HEATR5B: variants seen among roughly 807,000 people sequenced by gnomAD.
HEATR5B encodes the protein HEAT repeat-containing protein 5B.
In HEATR5B, 156 loss-of-function variants were observed where a neutral mutation model predicts 224.1. The observed-to-expected ratio is 0.70, with a 90% confidence interval of 0.61 to 0.80. The LOEUF is 0.80. HEATR5B is among the 30% of genes least tolerant of loss of function. The pLI is 0.00. For synonymous variants in HEATR5B, 1,027 were observed against 893.0 expected (o/e 1.15, Z -2.68); for missense variants, 2,323 against 2,535.5 (o/e 0.92, Z 1.80).
In HEATR5B at chr2:37,084,278, T is replaced by C. The variant is rs1239669109; in HGVS notation, c.-32A>G. 4 of 393,290 alleles carry C rather than the reference T, an allele frequency of 1.0e-5. No individual in the cohort carries two copies. The highest frequency in any genetic ancestry group is 3.6e-5 in the East Asian group (1 of 27,806). 24.4% of individuals were successfully genotyped at this position (393,290 alleles called of 1,614,324 possible). A position where few individuals can be genotyped will look rare whatever the true frequency, so the allele number is the denominator to read the frequency against. On this transcript the variant is annotated 5_prime_UTR_variant, in exon 1 of 36. Transcript: ENST00000233099. ...GCTTCGGCGACCTCACCTCGTAGTC[T>C]GGAAGGGAAGATCAGCTGAGCTCCG...
intron 20 of HEATR5B, among the ~76,000 whole-genome samples, chr2:37,040,034 G>C (rs1463102437): frequency 3.9e-5 from 6 of 152,138 alleles, no homozygotes; most frequent in Non-Finnish European, 8.8e-5. Flanking sequence ...AGCACTCTAG[G>C]CCAAAGGAAC....
In HEATR5B at chr2:37,056,947, T is replaced by C. The variant is rs188445057; in HGVS notation, c.2224-332A>G. On this transcript the variant is annotated intron_variant, in intron 15 of 35. Transcript: ENST00000233099. The stretch of plus-strand genomic sequence containing the variant: ...TCTTTAAAAAGTACATAAGAAATAA[T>C]GTATTCAGTGGGCAAAAGTTCTAAA... 7.2e-5 allele frequency among the ~76,000 whole-genome samples: 11 copies of C among 152,316 alleles called. No homozygotes were observed. In the East Asian group the frequency reaches 1.5e-3, roughly 21 times the overall value.
At chr2:37,030,991 C>A (rs935713580) in intron 22 of HEATR5B, among the ~76,000 whole-genome samples, 2 of 152,222 alleles carry the variant, frequency 1.3e-5, no homozygotes, top group Admixed American at 6.5e-5. Context: ...TGAGTCCGAA[C>A]TTTTGGTATG....
At chr2:36,981,865 T>C (rs1665604191) in intron 35 of HEATR5B, 71 bp from the exon 36 acceptor site, 1 of 1,160,662 alleles carries the variant, frequency 8.6e-7, no homozygotes, top group Non-Finnish European at 1.2e-6. Flanking sequence ...ACTAGGCAAT[T>C]GCCATGGAAG....
chr2:36,988,402 G>C (rs1223737143), intron 35 of HEATR5B, among the ~76,000 whole-genome samples: 1 of 151,900 alleles, frequency 6.6e-6, no homozygotes, highest in Non-Finnish European at 1.5e-5. Flanking sequence ...AGCTGGGACA[G>C]CAGGTGTGCG....
chr2:37,018,797 C>T (rs548179875), intron 26 of HEATR5B, among the ~76,000 whole-genome samples: 124 of 152,086 alleles, frequency 8.2e-4, no homozygotes, highest in Non-Finnish European at 1.4e-3. Flanking sequence ...AAGATTAGAG[C>T]TTAATACATG....
At chr2:36,997,234 G>C (rs1048291549) in intron 33 of HEATR5B, among the ~76,000 whole-genome samples, 1 of 152,070 alleles carries the variant, frequency 6.6e-6, no homozygotes. Context: ...ACCCAGACCA[G>C]AGTTCAGTGG....
chr2:37,032,051 G>A (rs1241847684), intron 22 of HEATR5B, among the ~76,000 whole-genome samples: 2 of 152,150 alleles, frequency 1.3e-5, no homozygotes, highest in African/African-American at 4.8e-5. Context: ...ACATTTCATA[G>A]TTTTATTGGC....
chr2:37,072,416 A>T (rs1363942465), intron 5 of HEATR5B, 135 bp from the exon 6 acceptor site: 2 of 591,010 alleles, frequency 3.4e-6, no homozygotes, highest in Non-Finnish European at 5.9e-6. Flanking sequence ...ACAGTTTTCA[A>T]GACACTGGAC....
intron 22 of HEATR5B, among the ~76,000 whole-genome samples, chr2:37,032,419 CTA>C (rs1205970204): frequency 1.3e-5 from 2 of 152,082 alleles, no homozygotes; most frequent in Non-Finnish European, 2.9e-5. Context: ...GTACACAACA[CTA>C]TGCCCAACTT....
rs778904225 is a variant in HEATR5B, at chr2:37,058,551, A to G, written c.1959T>C (p.Ser653=). The G allele has an allele frequency of 8.7e-6, 14 of 1,603,902 alleles. No homozygotes were observed. The highest frequency in any genetic ancestry group is 1.2e-5 in the Non-Finnish European group (14 of 1,170,726). ...CAMTMMSHIP[S]VMKAHGAHLK... is the part of the protein sequence containing the mutation. ...GATGAGCTCCATGGGCTTTCATTACAGATGGAATGCTAAAATATCAAAAAC... is the reference window on the plus strand; with the variant it reads ...GATGAGCTCCATGGGCTTTCATTACGGATGGAATGCTAAAATATCAAAAAC... The change falls in exon 14 of 36, where the codon TCT becomes TCC. Residue 653 remains serine, a synonymous_variant. Coordinates refer to ENST00000233099, the MANE Select transcript of HEATR5B (RefSeq NM_019024.3).
intron 33 of HEATR5B, among the ~76,000 whole-genome samples, chr2:36,994,791 G>A (rs966600001): frequency 1.3e-5 from 2 of 151,922 alleles, no homozygotes; most frequent in East Asian, 1.9e-4. Flanking sequence ...TCGCTCTGTC[G>A]TCCAGGCTGG....
chr2:37,007,395 G>C, intron 28 of HEATR5B, 91 bp from the exon 29 acceptor site: 6 of 1,353,562 alleles, frequency 4.4e-6, no homozygotes, highest in Non-Finnish European at 5.8e-6. Context: ...CCAGGCTGGA[G>C]TGCAATGGTG....
chr2:37,075,136 G>C (rs1022382669), intron 5 of HEATR5B, among the ~76,000 whole-genome samples: 2 of 152,110 alleles, frequency 1.3e-5, no homozygotes, highest in Admixed American at 6.5e-5. Context: ...CAGTTTTTTT[G>C]TAATAATCAA....
At chr2:37,049,563 A>T in intron 18 of HEATR5B, 90 bp downstream of exon 18, 1 of 1,138,670 alleles carries the variant, frequency 8.8e-7, no homozygotes. Context: ...CATGCTGTAT[A>T]CCATGTGGAA....
At chr2:36,992,611 AC>A (rs1666406361) in intron 33 of HEATR5B, among the ~76,000 whole-genome samples, 1 of 152,028 alleles carries the variant, frequency 6.6e-6, no homozygotes, top group Non-Finnish European at 1.5e-5. Flanking sequence ...AAAACCTAAA[AC>A]AAAAAAACCC....
chr2:37,012,642 G>A (rs1295869191), intron 27 of HEATR5B, among the ~76,000 whole-genome samples: 2 of 152,006 alleles, frequency 1.3e-5, no homozygotes, highest in African/African-American at 4.8e-5. Context: ...CGCCTGCCTC[G>A]GCCTCCCAAA....
In HEATR5B at chr2:37,008,668, T is replaced by A. The variant is rs1476070023; in HGVS notation, c.4465A>T (p.Lys1489Ter). The A allele has an allele frequency of 1.2e-6, 2 of 1,614,206 alleles. No individual in the cohort carries two copies. The highest frequency in any genetic ancestry group is 1.7e-6 in the Non-Finnish European group (2 of 1,180,040). ...GGTAAAGTCAAGAGTGCATAATCTT[T>A]TAATGCTGCTAACCACAGGCGACTG... ...TLSRLWLAALKDYALLTLPAE... is the reference protein window; with the variant it reads ...TLSRLWLAAL Residue 1489 changes from lysine to a stop codon, truncating the protein, a stop_gained, in exon 28 of 36, where the codon AAA becomes TAA. Transcript: ENST00000233099. LOFTEE classifies it high-confidence loss of function.
intron 22 of HEATR5B, among the ~76,000 whole-genome samples, chr2:37,031,050 G>A (rs1394542989): frequency 6.6e-6 from 1 of 152,202 alleles, no homozygotes; most frequent in Non-Finnish European, 1.5e-5. Flanking sequence ...AAAACATTGG[G>A]CATTAAGTCT....
Sources: allele counts gnomAD v4.1 joint callset (sites outside exome capture counted in the v4.1 genomes callset), GRCh38; gene constraint gnomAD v4.1.1; transcripts MANE v1.5; gene names NCBI Gene and HGNC (gene_info 2026-07-23, HGNC 2026-07-21).